The following RBM47 variants were observed in gnomAD, a reference collection of about 807,000 sequenced individuals.
RBM47 encodes the protein RNA-binding protein 47.
RBM47 carries 21 observed loss-of-function variants against 47.1 expected under a neutral mutation model. That is an observed-to-expected ratio of 0.45 (90% CI 0.32 to 0.64). The LOEUF (loss-of-function observed/expected upper bound fraction) is 0.64. Ranked by LOEUF, RBM47 falls within the 30% of genes least tolerant of loss-of-function variation. RBM47 has a pLI of 0.05. For missense variants in RBM47, 708 were observed against 870.9 expected, an observed-to-expected ratio of 0.81 and a Z score of 2.35; for synonymous variants, 375 against 361.7, an observed-to-expected ratio of 1.04 and a Z score of -0.42.
At chr4:40,431,376 T>C (rs1228059888) in intron 6 of RBM47, among the ~76,000 whole-genome samples, 1 of 151,988 alleles carries the variant, frequency 6.6e-6, no homozygotes, top group South Asian at 2.1e-4. Flanking sequence ...GAAAATTTCA[T>C]GGCCGGGCGC....
At chr4:40,554,148 A>G (rs1280481539) in intron 1 of RBM47, among the ~76,000 whole-genome samples, 1 of 152,112 alleles carries the variant, frequency 6.6e-6, no homozygotes, top group Non-Finnish European at 1.5e-5. Context: ...CCAGGGAACG[A>G]ATGCTCTCTA....
chr4:40,551,159 A>G (rs1729524884), intron 1 of RBM47, among the ~76,000 whole-genome samples: 2 of 152,186 alleles, frequency 1.3e-5, no homozygotes. Flanking sequence ...CTGCTTCTAC[A>G]TGAGAGGTAT....
chr4:40,494,147 A>G (rs1018442794), intron 2 of RBM47, among the ~76,000 whole-genome samples: 1 of 152,130 alleles, frequency 6.6e-6, no homozygotes, highest in Admixed American at 6.5e-5. Context: ...TGAACTTACA[A>G]CAAGTTTACA....
intron 1 of RBM47, among the ~76,000 whole-genome samples, chr4:40,578,968 A>C (rs1230231337): frequency 6.6e-6 from 1 of 152,068 alleles, no homozygotes; most frequent in Non-Finnish European, 1.5e-5. Flanking sequence ...AATAACAAAA[A>C]ATTAGCCAGA....
chr4:40,519,208 C>A (rs1282508148), intron 2 of RBM47, among the ~76,000 whole-genome samples: 10 of 151,472 alleles, frequency 6.6e-5, no homozygotes, highest in Non-Finnish European at 1.0e-4. Context: ...GAGATCTTGT[C>A]CTTAAAAAAA....
At chr4:40,533,585 G>A (rs1727623498) in intron 2 of RBM47, among the ~76,000 whole-genome samples, 1 of 152,082 alleles carries the variant, frequency 6.6e-6, no homozygotes, top group African/African-American at 2.4e-5. Context: ...CTCCCCTTCA[G>A]ACCAATTAAA....
In RBM47 at chr4:40,436,566, G is replaced by T. The variant is rs1181718754; in HGVS notation, c.1205C>A (p.Ser402Tyr). 6.2e-7 allele frequency: 1 copy of T among 1,614,188 alleles called. No homozygotes were observed. The change falls in exon 5 of 7, where the codon TCT becomes TAT. Residue 402 changes from serine to tyrosine, a missense_variant. By Grantham distance (144) the Ser-to-Tyr change is moderately radical. Transcript: ENST00000295971. The stretch of plus-strand genomic sequence containing the variant: ...TCGGCTATATATACCACGACCAGCA[G>T]AATATCCCCCGAGGTAGGAACCCCT... ...GPRGSYLGGY[S>Y]AGRGIYSRYH... is the part of the protein sequence containing the mutation.
chr4:40,515,633 T>A (rs1014091798), intron 2 of RBM47, among the ~76,000 whole-genome samples: 1 of 152,128 alleles, frequency 6.6e-6, no homozygotes, highest in Non-Finnish European at 1.5e-5. Flanking sequence ...AAAACAAAAC[T>A]GAACCTAGAA....
intron 1 of RBM47, among the ~76,000 whole-genome samples, chr4:40,602,102 A>G (rs1735334297): frequency 6.6e-6 from 1 of 152,036 alleles, no homozygotes; most frequent in African/African-American, 2.4e-5. Context: ...CGGGAGGTGG[A>G]GGTTGCAGTG....
At chr4:40,565,732 C>T (rs1731039288) in intron 1 of RBM47, among the ~76,000 whole-genome samples, 1 of 152,066 alleles carries the variant, frequency 6.6e-6, no homozygotes, top group Non-Finnish European at 1.5e-5. Flanking sequence ...AGAGCAAGCC[C>T]AGGGCACAGG....
In RBM47 at chr4:40,432,869, G is replaced by C. The variant is rs765906366; in HGVS notation, c.1331-7C>G. 13 of 1,613,262 alleles carry C rather than the reference G, an allele frequency of 8.1e-6. No homozygotes were observed. Among genetic ancestry groups the C allele is most frequent in the African/African-American group, 8.0e-5 (6 of 74,894 alleles). ...CCAATGGCAGGGATGGCTACTGCAA[G>C]AGAAGCAAGAAGGAAAAACAGGTCA... On this transcript the variant is annotated splice_polypyrimidine_tract_variant and splice_region_variant and intron_variant, in intron 5 of 6. Transcript: ENST00000295971.
chr4:40,502,772 G>A (rs549176571), intron 2 of RBM47, among the ~76,000 whole-genome samples: 6 of 152,276 alleles, frequency 3.9e-5, no homozygotes, highest in Admixed American at 3.3e-4. Context: ...CTTGAGCCCA[G>A]GAGGTTGAGG....
intron 1 of RBM47, among the ~76,000 whole-genome samples, chr4:40,627,705 G>C (rs186906736): frequency 6.6e-6 from 1 of 152,292 alleles, no homozygotes; most frequent in East Asian, 1.9e-4. Context: ...AAAAAAATGA[G>C]TAGTCTTTAA....
chr4:40,540,697 A>G (rs1023061679), intron 2 of RBM47, among the ~76,000 whole-genome samples: 4 of 148,760 alleles, frequency 2.7e-5, no homozygotes, highest in African/African-American at 9.8e-5. Context: ...AATAATGGGG[A>G]AAAAACCCTA....
intron 1 of RBM47, among the ~76,000 whole-genome samples, chr4:40,565,902 C>T (rs1332133507): frequency 6.6e-6 from 1 of 151,932 alleles, no homozygotes; most frequent in Admixed American, 6.6e-5. Flanking sequence ...GACCCTGTCT[C>T]TACAAAAAAT....
intron 1 of RBM47, among the ~76,000 whole-genome samples, chr4:40,598,773 G>T (rs1199922373): frequency 2.0e-5 from 3 of 150,370 alleles, no homozygotes; most frequent in African/African-American, 7.4e-5. Context: ...ATATTCTATA[G>T]TGTCCATCTG....
intron 2 of RBM47, among the ~76,000 whole-genome samples, chr4:40,529,063 A>G (rs1727087342): frequency 6.6e-6 from 1 of 152,180 alleles, no homozygotes; most frequent in African/African-American, 2.4e-5. Flanking sequence ...CTTTGCTGCT[A>G]TCAGGATAGT....
intron 2 of RBM47, among the ~76,000 whole-genome samples, chr4:40,518,071 G>A (rs1725793478): frequency 6.6e-6 from 1 of 151,088 alleles, no homozygotes; most frequent in Non-Finnish European, 1.5e-5. Context: ...TTTCAATGAG[G>A]ATGAGAAAAT....
intron 3 of RBM47, among the ~76,000 whole-genome samples, chr4:40,440,375 A>C (rs1251252340): frequency 1.3e-5 from 2 of 152,192 alleles, no homozygotes; most frequent in Middle Eastern, 3.2e-3. Context: ...ATTCTTAAAA[A>C]TCTTTGTAAA....
Sources: allele counts gnomAD v4.1 joint callset (sites outside exome capture counted in the v4.1 genomes callset), GRCh38; gene constraint gnomAD v4.1.1; transcripts MANE v1.5; gene names NCBI Gene and HGNC (gene_info 2026-07-23, HGNC 2026-07-21).